Variants in MDGA2 observed in about 807,000 individuals in gnomAD.
MDGA2 encodes the protein MAM domain containing glycosylphosphatidylinositol anchor 2.
MDGA2 carries 40 observed loss-of-function variants against 117.8 expected under a neutral mutation model. The ratio of observed to expected loss-of-function variants is 0.34; its 90% CI spans 0.26 to 0.44. The LOEUF (loss-of-function observed/expected upper bound fraction) is 0.44, where lower values mean the gene tolerates loss of function less well. Among genes scored for constraint, MDGA2 ranks in the 20% least tolerant of loss-of-function variants. The pLI is 1.00. For synonymous variants in MDGA2, 452 were observed against 439.0 expected (o/e 1.03, Z -0.37); for missense variants, 1,123 against 1,250.6 (o/e 0.90, Z 1.54).
At chr14:47,110,057 C>A (rs1188078212) in intron 5 of MDGA2, among the ~76,000 whole-genome samples, 3 of 152,040 alleles carry the variant, frequency 2.0e-5, no homozygotes, top group African/African-American at 7.2e-5. Context: ...CTAGTTATGA[C>A]AACTTGCAAG....
intron 1 of MDGA2, among the ~76,000 whole-genome samples, chr14:47,431,468 A>C (rs1486256773): frequency 6.6e-6 from 1 of 152,048 alleles, no homozygotes; most frequent in Non-Finnish European, 1.5e-5. Context: ...TAAAATATTA[A>C]TCCCAATGCC....
At chr14:47,338,634 A>T (rs1890530007) in intron 1 of MDGA2, among the ~76,000 whole-genome samples, 1 of 152,088 alleles carries the variant, frequency 6.6e-6, no homozygotes, top group Admixed American at 6.6e-5. Context: ...CAATCCGTCA[A>T]GTTAAGAATT....
chr14:47,143,451 G>A (rs1882808472), intron 4 of MDGA2, among the ~76,000 whole-genome samples: 1 of 151,674 alleles, frequency 6.6e-6, no homozygotes. Flanking sequence ...ATCTTCCTCA[G>A]GACTTATTAA....
intron 1 of MDGA2, among the ~76,000 whole-genome samples, chr14:47,673,480 C>A (rs934626648): frequency 7.2e-5 from 11 of 152,104 alleles, no homozygotes; most frequent in Non-Finnish European, 1.3e-4. Flanking sequence ...GGGGTGGGAC[C>A]GGCTGTGGGC....
At chr14:47,143,713 T>C (rs1882819255) in intron 4 of MDGA2, among the ~76,000 whole-genome samples, 1 of 152,072 alleles carries the variant, frequency 6.6e-6, no homozygotes. Context: ...TTATTCACCA[T>C]TTGCAAATGG....
At chr14:47,252,147 A>T (rs1887468838) in intron 2 of MDGA2, among the ~76,000 whole-genome samples, 1 of 152,154 alleles carries the variant, frequency 6.6e-6, no homozygotes, top group Non-Finnish European at 1.5e-5. Context: ...GCCATTTTAC[A>T]GCTAAAGGGA....
intron 2 of MDGA2, among the ~76,000 whole-genome samples, chr14:47,223,732 C>T (rs528712087): frequency 8.5e-5 from 13 of 152,200 alleles, no homozygotes; most frequent in Admixed American, 1.3e-4. Context: ...TGTATTAGTC[C>T]GTTCTCATGC....
chr14:47,559,568 TTTC>T (rs1258482803), intron 1 of MDGA2, among the ~76,000 whole-genome samples: 2 of 151,476 alleles, frequency 1.3e-5, no homozygotes, highest in African/African-American at 2.4e-5. Context: ...CAAGTTTTTT[TTTC>T]TTTTCTTTTT....
chr14:47,602,115 G>A (rs1896659670), intron 1 of MDGA2, among the ~76,000 whole-genome samples: 1 of 152,120 alleles, frequency 6.6e-6, no homozygotes, highest in South Asian at 2.1e-4. Context: ...TGACTATTTT[G>A]AATGCTAACA....
chr14:47,553,450 G>A (rs1895624708), intron 1 of MDGA2, among the ~76,000 whole-genome samples: 1 of 152,106 alleles, frequency 6.6e-6, no homozygotes, highest in African/African-American at 2.4e-5. Flanking sequence ...AACTTGTTAA[G>A]TAATATCTGA....
intron 1 of MDGA2, among the ~76,000 whole-genome samples, chr14:47,570,636 A>T (rs1009790261): frequency 6.6e-6 from 1 of 152,202 alleles, no homozygotes; most frequent in African/African-American, 2.4e-5. Context: ...GACAAACCTT[A>T]CAGAAACAAG....
intron 8 of MDGA2, among the ~76,000 whole-genome samples, chr14:46,971,348 A>AT (rs373561923): frequency 3.4e-4 from 52 of 152,286 alleles, no homozygotes; most frequent in Non-Finnish European, 6.8e-4. Context: ...GTAAAGTAGC[A>AT]TATGTACACA....
chr14:47,029,327 T>C (rs886614000), intron 8 of MDGA2, among the ~76,000 whole-genome samples: 3 of 152,274 alleles, frequency 2.0e-5, no homozygotes, highest in Middle Eastern at 3.4e-3. Flanking sequence ...GTGAGGAACA[T>C]GGGTTTATCA....
chr14:47,670,881 A>T (rs544517840), intron 1 of MDGA2, among the ~76,000 whole-genome samples: 181 of 152,262 alleles, frequency 1.2e-3, no homozygotes, highest in African/African-American at 4.3e-3. Context: ...TAGCTTAAGG[A>T]AGTAAAATTT....
intron 1 of MDGA2, among the ~76,000 whole-genome samples, chr14:47,419,763 G>C (rs983073236): frequency 1.3e-5 from 2 of 151,892 alleles, no homozygotes; most frequent in African/African-American, 2.4e-5. Context: ...TATTTAAGTT[G>C]ATAATTGTGG....
intron 3 of MDGA2, among the ~76,000 whole-genome samples, chr14:47,186,007 T>C (rs1308164397): frequency 5.3e-5 from 8 of 151,528 alleles, no homozygotes; most frequent in Admixed American, 2.0e-4. Context: ...ATCAGTAATA[T>C]GTGTACATAT....
intron 2 of MDGA2, among the ~76,000 whole-genome samples, chr14:47,219,754 T>C (rs1382162596): frequency 6.6e-6 from 1 of 151,994 alleles, no homozygotes; most frequent in East Asian, 1.9e-4. Context: ...ATACAAAATG[T>C]ATTATTAAGT....
intron 2 of MDGA2, among the ~76,000 whole-genome samples, chr14:47,233,790 T>G (rs1404977867): frequency 6.6e-6 from 1 of 152,124 alleles, no homozygotes; most frequent in Admixed American, 6.5e-5. Flanking sequence ...AATTCAAACC[T>G]ACATTTAGAC....
intron 9 of MDGA2, among the ~76,000 whole-genome samples, chr14:46,944,640 T>A (rs1420071573): frequency 6.6e-6 from 1 of 151,902 alleles, no homozygotes. Context: ...AATCCCTCTA[T>A]TTTTTGATCT....
Sources: gnomAD v4.1 joint callset for allele counts (sites outside exome capture counted in the v4.1 genomes callset) on GRCh38, gnomAD v4.1.1 for gene constraint, MANE v1.5 for transcripts, NCBI Gene and HGNC (gene_info 2026-07-23, HGNC 2026-07-21) for gene names.